Variants in ANKRD13D observed in about 807,000 individuals in gnomAD.
The protein encoded by ANKRD13D is ankyrin repeat domain 13D.
In ANKRD13D, 24 loss-of-function variants were observed where a neutral mutation model predicts 68.8. The observed-to-expected ratio is 0.35, with a 90% CI of 0.25 to 0.49. The LOEUF (loss-of-function observed/expected upper bound fraction) is 0.49, where lower values mean the gene tolerates loss of function less well. ANKRD13D is among the 20% of genes least tolerant of loss of function. The pLI, the probability that ANKRD13D is intolerant of heterozygous loss-of-function variation, is 0.99. For synonymous variants in ANKRD13D, 331 were observed against 336.1 expected, an observed-to-expected ratio of 0.98 and a Z score of 0.16; for missense variants, 735 against 832.1, an observed-to-expected ratio of 0.88 and a Z score of 1.44.
chr11:67,290,006 C>T, intron 1 of ANKRD13D, 72 bp from the exon 2 acceptor site: 1 of 1,488,206 alleles, frequency 6.7e-7, no homozygotes, highest in Non-Finnish European at 8.9e-7. Context: ...ATTCCCAACC[C>T]TGCTCGCCCT....
chr11:67,302,272 CG>C lies in ANKRD13D; in HGVS notation c.1761del (p.Gln588SerfsTer21). On this transcript the variant is annotated frameshift_variant, in exon 15 of 15. Coordinates refer to ENST00000511455, the MANE Select transcript of ANKRD13D (RefSeq NM_207354.3). LOFTEE classifies it high-confidence loss of function. ...GGGAGCAGGAGGAGCGGGAGCGGCG[CG>C]GGCAGCAGGAGGAGGAGGACTTACA... ...SREQEERERR[G>X]QQEEEDLQRI... is the part of the protein sequence containing the mutation. 6.4e-7 allele frequency: 1 copy of C among 1,568,224 alleles called. No individual in the cohort carries two copies. The highest frequency in any genetic ancestry group is 8.7e-7 in the Non-Finnish European group (1 of 1,156,040).
In ANKRD13D at chr11:67,290,428, G is replaced by T; in HGVS notation, c.333G>T (p.Leu111=). 1 of 1,587,428 alleles carries T rather than the reference G, an allele frequency of 6.3e-7. No homozygotes were observed. The highest frequency in any genetic ancestry group is 8.6e-7 in the Non-Finnish European group (1 of 1,168,392). ...AGAGGCTGGCGGGCATTCCGGAACT[G>T]CTCAACAAACTTCGCCAGGTACAGC... ...ATQRLAGIPE[L]LNKLRQAPDF... Residue 111 remains leucine (L), a synonymous_variant, in exon 3 of 15, where the codon CTG becomes CTT. Coordinates refer to ENST00000511455, the MANE Select transcript of ANKRD13D (RefSeq NM_207354.3).
In ANKRD13D at chr11:67,300,213, C is replaced by T. The variant is rs1860926196; in HGVS notation, c.1073+90C>T. 6.4e-7 allele frequency: 1 copy of T among 1,552,264 alleles called. No homozygotes were observed. The highest frequency in any genetic ancestry group is 1.4e-5 in the African/African-American group (1 of 73,532). On this transcript the variant is annotated intron_variant, in intron 10 of 14. Coordinates refer to ENST00000511455, the MANE Select transcript of ANKRD13D (RefSeq NM_207354.3). The surrounding 1 kb of genome is among the most constrained non-coding windows in gnomAD (Gnocchi z 4.3). ...GCCTGTCATAGTTAGGGACCCACTC[C>T]CTCGGCTGGCTTCTCTCTGGACTCC... is the stretch of plus-strand genomic sequence containing the variant.
Position 67,301,950 on chromosome 11 carries a change from T to C in ANKRD13D, c.1604+127T>C. On this transcript the variant is annotated intron_variant, in intron 14 of 14. Transcript: ENST00000511455. The surrounding 1 kb of genome is among the most constrained non-coding windows in gnomAD (Gnocchi z 4.5). The stretch of plus-strand genomic sequence containing the variant: ...GCCACCCTCTGTCAGCAGCGCTATC[T>C]GCCACCAAAGGTGGTGTGAGGGGTG... 1 of 1,334,562 alleles carries C rather than the reference T, an allele frequency of 7.5e-7. No individual in the cohort carries two copies. The allele number at this position is 1,334,562 out of a possible 1,614,324, so 82.7% of individuals were successfully genotyped here. A position where few individuals can be genotyped will look rare whatever the true frequency, so the allele number is the denominator to read the frequency against.
intron 6 of ANKRD13D, among the ~76,000 whole-genome samples, chr11:67,295,297 A>C (rs957475486): frequency 6.6e-6 from 1 of 151,578 alleles, no homozygotes; most frequent in Non-Finnish European, 1.5e-5. Context: ...GGCGCCTGTA[A>C]TCCCAGCTAC....
Position 67,301,637 on chromosome 11 carries a change from A to G in ANKRD13D, c.1498A>G (p.Thr500Ala), listed in dbSNP as rs1300649571. The change falls in exon 13 of 15, where the codon ACT becomes GCT. Residue 500 changes from threonine to alanine, a missense_variant. Physicochemically the swap from Thr to Ala is moderately conservative, Grantham distance 58. Coordinates refer to ENST00000511455, the MANE Select transcript of ANKRD13D (RefSeq NM_207354.3). The surrounding 1 kb of genome is among the most constrained non-coding windows in gnomAD (Gnocchi z 4.5). ...AIQQSLLEAG[T>A]EAEQVTVWEA... ...CCAGCAGAGCCTGCTTGAAGCGGGC[A>G]CTGAGGCGGAGCAGGTGGGACTTGC... 2.5e-6 allele frequency: 4 copies of G among 1,612,428 alleles called. No individual in the cohort carries two copies. Among genetic ancestry groups the G allele is most frequent in the Non-Finnish European group, 3.4e-6 (4 of 1,179,862 alleles).
intron 6 of ANKRD13D, among the ~76,000 whole-genome samples, chr11:67,295,956 T>A (rs1034341432): frequency 1.3e-5 from 2 of 152,244 alleles, no homozygotes; most frequent in African/African-American, 4.8e-5. Context: ...TTGGATTTTG[T>A]GAAATGCTTT....
In ANKRD13D at chr11:67,299,416, G is replaced by C; in HGVS notation, c.799-114G>C. ...AGACCCTGCCACCTCCTCCATTTTG[G>C]GGAGCAAGATCTCATCTGTCTCTGG... On this transcript the variant is annotated intron_variant, in intron 7 of 14. Transcript: ENST00000511455. The surrounding 1 kb of genome is among the most constrained non-coding windows in gnomAD (Gnocchi z 6.2). The C allele has an allele frequency of 1.1e-6, 1 of 928,718 alleles. No individual in the cohort carries two copies. Among genetic ancestry groups the C allele is most frequent in the Non-Finnish European group, 1.6e-6 (1 of 611,882 alleles). 57.5% of individuals were successfully genotyped at this position (928,718 alleles called of 1,614,324 possible).
At chr11:67,290,758 C>T in intron 3 of ANKRD13D, 1 of 314,558 alleles carries the variant, frequency 3.2e-6, no homozygotes, top group Admixed American at 4.3e-5. Context: ...GGAATACTTG[C>T]TACTACGCAC....
intron 1 of ANKRD13D, chr11:67,289,845 G>A: frequency 7.0e-7 from 1 of 1,425,410 alleles, no homozygotes; most frequent in Middle Eastern, 1.8e-4. Flanking sequence ...CCAAACTCCT[G>A]ACAACCTGCA....
At chr11:67,291,389 G>C in intron 3 of ANKRD13D, 87 bp from the exon 4 acceptor site, 3 of 1,382,278 alleles carry the variant, frequency 2.2e-6, no homozygotes, top group Non-Finnish European at 3.0e-6. Flanking sequence ...CTGATGAAGG[G>C]CTGGGCTGGC....
Position 67,300,079 on chromosome 11 carries a change from A to G in ANKRD13D, c.1029A>G (p.Ser343=). 1 of 1,614,046 alleles carries G rather than the reference A, an allele frequency of 6.2e-7. No individual in the cohort carries two copies. ...EYFDPNFSLE[S]RNIGRPIEMS... ...TCGACCCCAACTTCAGCCTGGAGTC[A>G]CGGAACATTGGCCGCCCCATCGAGA... Residue 343 remains serine, a synonymous_variant, in exon 10 of 15, where the codon TCA becomes TCG. Transcript: ENST00000511455. The surrounding 1 kb of genome is among the most constrained non-coding windows in gnomAD (Gnocchi z 4.3).
chr11:67,292,441 C>T (rs1349027407), intron 6 of ANKRD13D, among the ~76,000 whole-genome samples: 1 of 152,080 alleles, frequency 6.6e-6, no homozygotes, highest in Non-Finnish European at 1.5e-5. Context: ...TATGTTTTCC[C>T]ATTAAGACAA....
At chr11:67,290,245 G>A (rs989052248) in intron 2 of ANKRD13D, 32 bp downstream of exon 2, 26 of 1,544,016 alleles carry the variant, frequency 1.7e-5, no homozygotes, top group Non-Finnish European at 2.2e-5. Flanking sequence ...TCCCCCTGAG[G>A]CTGGCAGGCG....
In ANKRD13D at chr11:67,299,646, C is replaced by T. The variant is rs574580988; in HGVS notation, c.880+35C>T. 10 of 1,548,732 alleles carry T rather than the reference C, an allele frequency of 6.5e-6. No homozygotes were observed. The East Asian group carries it at 2.4e-4, about 38-fold the overall frequency. Reference sequence around the variant, plus strand: ...GGTGCGCCTGCCTGCTGCCCGGTCACACCGTGTGGTGGGGTCACCCTGGCC... The same window carrying T: ...GGTGCGCCTGCCTGCTGCCCGGTCATACCGTGTGGTGGGGTCACCCTGGCC... On this transcript the variant is annotated intron_variant, in intron 8 of 14. Transcript: ENST00000511455. The surrounding 1 kb of genome is among the most constrained non-coding windows in gnomAD (Gnocchi z 6.2).
rs1230463079 is a variant in ANKRD13D at position 67,299,576 on chromosome 11, A to C, written c.845A>C (p.Glu282Ala). 1.3e-6 allele frequency: 2 copies of C among 1,551,042 alleles called. No homozygotes were observed. Among genetic ancestry groups the C allele is most frequent in the Non-Finnish European group, 1.7e-6 (2 of 1,146,962 alleles). The change falls in exon 8 of 15, where the codon GAG (glutamate) becomes GCG (alanine). Residue 282 changes from glutamate (E) to alanine (A), a missense_variant. By Grantham distance (107) the Glu-to-Ala change is moderately radical. Coordinates refer to ENST00000511455, the MANE Select transcript of ANKRD13D (RefSeq NM_207354.3). This position sits in a 1 kb window ranked among gnomAD's most constrained non-coding sequence, Gnocchi z 6.2. ...NVELVTRTRT[E>A]HLSDQDKSRS... ...GAGCTGGTGACACGCACACGCACGG[A>C]GCACCTCTCTGATCAGGACAAGTCG...
rs2136515244 is a variant in ANKRD13D at position 67,289,364 on chromosome 11, C to A, written c.-97C>A. The A allele has an allele frequency of 1.1e-6, 1 of 902,708 alleles. No individual in the cohort carries two copies. The highest frequency in any genetic ancestry group is 1.4e-6 in the Non-Finnish European group (1 of 718,920). The allele number at this position is 902,708 out of a possible 1,614,324, so 55.9% of individuals were successfully genotyped here. A position where few individuals can be genotyped will look rare whatever the true frequency, so the allele number is the denominator to read the frequency against. On this transcript the variant is annotated 5_prime_UTR_variant, in exon 1 of 15. Transcript: ENST00000511455. Reference sequence around the variant, plus strand: ...GCCGCCGCTACTGCTGCGGGGGCCGCGGGGGGCGCAGCTGGGGCGCGGCTC... The same window carrying A: ...GCCGCCGCTACTGCTGCGGGGGCCGAGGGGGGCGCAGCTGGGGCGCGGCTC...
At position 67,299,840 on chromosome 11, in the gene ANKRD13D, A is replaced by G. The variant is rs2134738863; in HGVS notation, c.894A>G (p.Pro298=). ...DKSRSKAGKT[P]FQSFLGMAQQ... is the part of the protein sequence containing the mutation. ...CCTTCTCCGTAGCGGGGAAGACTCCATTCCAGTCCTTCCTGGGGATGGCGC... is the reference window on the plus strand; with the variant it reads ...CCTTCTCCGTAGCGGGGAAGACTCCGTTCCAGTCCTTCCTGGGGATGGCGC... Residue 298 remains proline, a synonymous_variant, in exon 9 of 15, where the codon CCA becomes CCG. Coordinates refer to ENST00000511455, the MANE Select transcript of ANKRD13D (RefSeq NM_207354.3). The surrounding 1 kb of genome is among the most constrained non-coding windows in gnomAD (Gnocchi z 6.2). 6.5e-7 allele frequency: 1 copy of G among 1,536,178 alleles called. No homozygotes were observed. The highest frequency in any genetic ancestry group is 8.8e-7 in the Non-Finnish European group (1 of 1,141,068).
At position 67,301,306 on chromosome 11, in the gene ANKRD13D, A is replaced by G. The variant is rs1316054071; in HGVS notation, c.1256A>G (p.Asn419Ser). The part of the protein sequence containing the change: ...KIEIPLFHVL[N>S]ARITFSNLCG... ...GAGATTCCCCTTTTCCACGTGCTCA[A>G]TGCCCGCATCACCTTCAGCAACCTG... is the stretch of plus-strand genomic sequence containing the variant. The change falls in exon 12 of 15, where the codon AAT (asparagine) becomes AGT (serine). Residue 419 changes from asparagine (N) to serine (S), a missense_variant. By Grantham distance (46) the Asn-to-Ser change is conservative. Coordinates refer to ENST00000511455, the MANE Select transcript of ANKRD13D (RefSeq NM_207354.3). The surrounding 1 kb of genome is among the most constrained non-coding windows in gnomAD (Gnocchi z 4.5). The G allele has an allele frequency of 2.5e-6, 4 of 1,613,304 alleles. No homozygotes were observed. Among genetic ancestry groups the G allele is most frequent in the Non-Finnish European group, 1.7e-6 (2 of 1,179,708 alleles).
Sources: gnomAD v4.1 joint callset for allele counts (sites outside exome capture counted in the v4.1 genomes callset) on GRCh38, gnomAD v4.1.1 for gene constraint, Gnocchi (gnomAD v3.1) non-coding constraint, MANE v1.5 for transcripts, NCBI Gene and HGNC (gene_info 2026-07-23, HGNC 2026-07-21) for gene names.